Variants in HERC4 observed in about 807,000 individuals in gnomAD.
The protein encoded by HERC4 is probable E3 ubiquitin-protein ligase HERC4.
Under a neutral mutation model 124.3 loss-of-function variants are expected in HERC4, and 28 were observed. The ratio of observed to expected loss-of-function variants is 0.23; its 90% CI spans 0.17 to 0.31. The LOEUF (loss-of-function observed/expected upper bound fraction) is 0.31, where lower values mean the gene tolerates loss of function less well. HERC4 is among the 10% of genes least tolerant of loss of function. The probability of loss-of-function intolerance (pLI) is 1.00; values close to 1 mark genes in which losing one functional copy is unlikely to be tolerated. For synonymous variants in HERC4, 407 were observed against 421.5 expected (o/e 0.97, Z 0.42); for missense variants, 713 against 1,229.3 (o/e 0.58, Z 6.28).
chr10:68,070,095 T>G (rs1176182388), intron 3 of HERC4: 1 of 984,834 alleles, frequency 1.0e-6, no homozygotes, highest in Admixed American at 6.1e-5. Flanking sequence ...AAATGAACTA[T>G]GTTTATTACA....
At chr10:68,002,400 G>T (rs979191334) in intron 9 of HERC4, among the ~76,000 whole-genome samples, 1 of 151,322 alleles carries the variant, frequency 6.6e-6, no homozygotes, top group African/African-American at 2.4e-5. Flanking sequence ...TGAAAAGAAG[G>T]ACATTTTGGT....
intron 4 of HERC4, among the ~76,000 whole-genome samples, chr10:68,042,271 T>C (rs1289449496): frequency 1.3e-5 from 2 of 152,150 alleles, no homozygotes; most frequent in Non-Finnish European, 2.9e-5. Context: ...CCTCCCAAAG[T>C]GCTGGGATTA....
intron 9 of HERC4, chr10:67,995,223 C>T: frequency 2.2e-6 from 1 of 454,720 alleles, no homozygotes; most frequent in Non-Finnish European, 4.4e-6. Context: ...TCAGGAAACA[C>T]ATAATTCCTT....
chr10:68,031,774 C>T (rs1385827394), intron 7 of HERC4, among the ~76,000 whole-genome samples: 2 of 151,460 alleles, frequency 1.3e-5, no homozygotes, highest in African/African-American at 2.4e-5. Flanking sequence ...TTTTTTGAAA[C>T]GAGGTCTCAC....
intron 5 of HERC4, among the ~76,000 whole-genome samples, chr10:68,035,309 T>C (rs1175146974): frequency 2.0e-5 from 3 of 152,046 alleles, no homozygotes; most frequent in African/African-American, 7.2e-5. Context: ...CGTGCCACCA[T>C]GCCTGGCTAA....
At chr10:67,923,269 A>C in intron 24 of HERC4, 130 bp from the exon 25 acceptor site, 1 of 630,504 alleles carries the variant, frequency 1.6e-6, no homozygotes, top group South Asian at 2.6e-5. Context: ...TTACTTCCTA[A>C]TTTGTGGAAG....
In HERC4 at chr10:68,014,127, C is replaced by CCA; in HGVS notation, c.966_967dup (p.Gly323ValfsTer20). ...TGAACCGGTTCCCAGCTGCCCATTA[C>CCA]CACCAAGCCCAAAAGAGTAAATTCG... On this transcript the variant is annotated frameshift_variant, in exon 9 of 25. Transcript: ENST00000373700. LOFTEE classifies it high-confidence loss of function. The CCA allele has an allele frequency of 6.2e-7, 1 of 1,613,748 alleles. No individual in the cohort carries two copies. The highest frequency in any genetic ancestry group is 8.5e-7 in the Non-Finnish European group (1 of 1,179,866).
intron 9 of HERC4, among the ~76,000 whole-genome samples, chr10:68,007,035 CTA>C (rs1187636576): frequency 1.3e-5 from 2 of 152,116 alleles, no homozygotes; most frequent in Admixed American, 6.5e-5. Flanking sequence ...GAAAAGGTCT[CTA>C]TTATTAGCTC....
intron 21 of HERC4, among the ~76,000 whole-genome samples, chr10:67,938,975 T>A (rs2032639226): frequency 1.3e-5 from 2 of 151,900 alleles, no homozygotes; most frequent in Non-Finnish European, 2.9e-5. Flanking sequence ...AAAAACCACA[T>A]CCCTTTGCTG....
chr10:68,014,242 A>T, intron 8 of HERC4, 56 bp from the exon 9 acceptor site: 3 of 1,409,106 alleles, frequency 2.1e-6, no homozygotes, highest in Middle Eastern at 1.8e-4. Flanking sequence ...ACAATTTACA[A>T]TGACAAAAGC....
chr10:67,956,736 T>A (rs900897224), intron 17 of HERC4, 142 bp downstream of exon 17: 3 of 458,630 alleles, frequency 6.5e-6, no homozygotes, highest in Non-Finnish European at 1.2e-5. Context: ...AATATACATA[T>A]CACATGCAGC....
intron 19 of HERC4, among the ~76,000 whole-genome samples, chr10:67,953,568 G>C (rs189809919): frequency 3.1e-4 from 47 of 152,138 alleles, no homozygotes; most frequent in Admixed American, 7.9e-4. Flanking sequence ...AACAAAGATG[G>C]GACAATATGA....
intron 23 of HERC4, among the ~76,000 whole-genome samples, chr10:67,928,115 G>A (rs184399579): frequency 2.8e-4 from 43 of 152,220 alleles, no homozygotes; most frequent in African/African-American, 8.7e-4. Context: ...GGAAACAAAC[G>A]CCCTAAGACT....
chr10:68,061,307 G>GTGAA (rs751772503), intron 3 of HERC4, among the ~76,000 whole-genome samples: 22 of 151,980 alleles, frequency 1.4e-4, no homozygotes, highest in Non-Finnish European at 3.1e-4. Flanking sequence ...GCCAAGGCGG[G>GTGAA]TGAATCATCA....
intron 23 of HERC4, among the ~76,000 whole-genome samples, chr10:67,928,177 A>G (rs2031361726): frequency 6.6e-6 from 1 of 152,186 alleles, no homozygotes; most frequent in African/African-American, 2.4e-5. Context: ...AGGCTGAGGC[A>G]GAGTGAGAGG....
At chr10:67,951,811 T>C (rs2033812261) in intron 19 of HERC4, among the ~76,000 whole-genome samples, 1 of 152,180 alleles carries the variant, frequency 6.6e-6, no homozygotes, top group East Asian at 1.9e-4. Flanking sequence ...GGCAGTTGTA[T>C]AAAAAACCTT....
chr10:68,041,198 T>A (rs1186536598), intron 4 of HERC4, among the ~76,000 whole-genome samples: 2 of 152,096 alleles, frequency 1.3e-5, no homozygotes, highest in African/African-American at 4.8e-5. Flanking sequence ...GGAGCTAAAG[T>A]ATTAAATATT....
In HERC4 at chr10:68,059,644, T is replaced by TTATATTA. The variant is rs1554830236; in HGVS notation, c.226+13232_226+13238dup. On this transcript the variant is annotated intron_variant, in intron 3 of 24. Transcript: ENST00000373700. Reference sequence around the variant, plus strand: ...ATATTATATATCATAATATTATATATTATATTATATATCATATTATATATT... The same window carrying TTATATTA: ...ATATTATATATCATAATATTATATATTATATTATATATTATATATCATATTATATATT... Among the ~76,000 whole-genome samples, 6 of 76,256 alleles carry TTATATTA rather than the reference T, an allele frequency of 7.9e-5. 2 individuals are homozygous for TTATATTA. The highest frequency in any genetic ancestry group is 4.8e-4 in the African/African-American group (6 of 12,502). The allele number at this position is 76,256 out of a possible 152,430, so 50.0% of individuals were successfully genotyped here.
In HERC4 at chr10:68,059,681, C is replaced by CATA. The variant is rs563010932; in HGVS notation, c.226+13199_226+13201dup. Among the ~76,000 whole-genome samples, 4 of 42,994 alleles carry CATA rather than the reference C, an allele frequency of 9.3e-5. No individual in the cohort carries two copies. In the African/African-American group the frequency reaches 1.1e-3, roughly 12 times the overall value. 28.2% of individuals were successfully genotyped at this position (42,994 alleles called of 152,430 possible). A position where few individuals can be genotyped will look rare whatever the true frequency, so the allele number is the denominator to read the frequency against. ...TCATATTATATATTATATTATATATCATAATATTATATATTATAATATTAT... is the reference window on the plus strand; with the variant it reads ...TCATATTATATATTATATTATATATCATAATAATATTATATATTATAATATTAT... On this transcript the variant is annotated intron_variant, in intron 3 of 24. Coordinates refer to ENST00000373700, the MANE Select transcript of HERC4 (RefSeq NM_015601.4).
Sources: gnomAD v4.1 joint callset for allele counts (sites outside exome capture counted in the v4.1 genomes callset) on GRCh38, gnomAD v4.1.1 for gene constraint, MANE v1.5 for transcripts, NCBI Gene and HGNC (gene_info 2026-07-23, HGNC 2026-07-21) for gene names.